The following RALGPS1 variants were observed in gnomAD, a reference collection of about 807,000 sequenced individuals.
The protein encoded by RALGPS1 is Ral GEF with PH domain and SH3 binding motif 1.
Under a neutral mutation model 78.8 loss-of-function variants are expected in RALGPS1, and 19 were observed. The ratio of observed to expected loss-of-function variants is 0.24; its 90% confidence interval spans 0.17 to 0.35. The LOEUF is 0.35. Among genes scored for constraint, RALGPS1 ranks in the 10% least tolerant of loss-of-function variants. The pLI is 1.00. For synonymous variants in RALGPS1, 228 were observed against 256.3 expected (o/e 0.89, Z 1.06); for missense variants, 454 against 688.3 (o/e 0.66, Z 3.81).
At chr9:127,155,929 A>G (rs2058687072) in intron 8 of RALGPS1, among the ~76,000 whole-genome samples, 2 of 151,922 alleles carry the variant, frequency 1.3e-5, no homozygotes, top group Non-Finnish European at 2.9e-5. Context: ...AAACTGTAGT[A>G]TATATTCATA....
chr9:127,160,450 G>A (rs536942272), intron 8 of RALGPS1, among the ~76,000 whole-genome samples: 7 of 152,324 alleles, frequency 4.6e-5, no homozygotes, highest in Admixed American at 2.6e-4. Flanking sequence ...GCCTCACCAC[G>A]GCAGTCTGGT....
intron 7 of RALGPS1, among the ~76,000 whole-genome samples, chr9:127,065,047 C>G (rs2049566451): frequency 6.6e-6 from 1 of 152,010 alleles, no homozygotes; most frequent in Admixed American, 6.6e-5. Flanking sequence ...TCAAGCAATC[C>G]TCCCGCCACA....
chr9:126,949,850 G>T (rs1167496432), intron 1 of RALGPS1, among the ~76,000 whole-genome samples: 2 of 151,982 alleles, frequency 1.3e-5, no homozygotes, highest in Admixed American at 1.3e-4. Flanking sequence ...GGCTTTTGTT[G>T]CCATTGCTTT....
intron 7 of RALGPS1, among the ~76,000 whole-genome samples, chr9:127,067,225 CA>C (rs1409754366): frequency 6.6e-6 from 1 of 152,148 alleles, no homozygotes; most frequent in Non-Finnish European, 1.5e-5. Context: ...ACCAGTTAAG[CA>C]GCCATTGTCC....
Position 127,196,618 on chromosome 9 carries a change from T to C in RALGPS1, c.1182T>C (p.Asn394=). Residue 394 remains asparagine, a synonymous_variant, in exon 13 of 19, where the codon AAT becomes AAC. Coordinates refer to ENST00000259351, the MANE Select transcript of RALGPS1 (RefSeq NM_014636.3). ...TGACCTCCTCCTCTGCTGTCACCAA[T>C]GGACTCTCCCTAGGTAAGCGTCTCC... is the stretch of plus-strand genomic sequence containing the variant. ...LALTSSSAVT[N]GLSLGSSESS... is the part of the protein sequence containing the mutation. 1.2e-6 allele frequency: 2 copies of C among 1,605,062 alleles called. No homozygotes were observed. Among genetic ancestry groups the C allele is most frequent in the Non-Finnish European group, 1.7e-6 (2 of 1,175,230 alleles).
intron 4 of RALGPS1, chr9:126,989,785 G>A (rs145163723): frequency 1.4e-6 from 2 of 1,431,774 alleles, no homozygotes; most frequent in Admixed American, 2.6e-5. Context: ...ATTCCTGTGG[G>A]ACACTTACTC....
At chr9:127,139,963 G>A (rs781594660) in intron 8 of RALGPS1, among the ~76,000 whole-genome samples, 7 of 152,186 alleles carry the variant, frequency 4.6e-5, no homozygotes, top group African/African-American at 9.7e-5. Flanking sequence ...GCCGCCATCC[G>A]CTCATGGCAT....
At chr9:127,060,615 C>A (rs1359538753) in intron 7 of RALGPS1, among the ~76,000 whole-genome samples, 1 of 152,002 alleles carries the variant, frequency 6.6e-6, no homozygotes, top group African/African-American at 2.4e-5. Context: ...TATGACAGGG[C>A]CTTTTACTTA....
intron 14 of RALGPS1, among the ~76,000 whole-genome samples, chr9:127,204,701 G>A (rs865995351): frequency 6.6e-6 from 1 of 152,196 alleles, no homozygotes; most frequent in African/African-American, 2.4e-5. Flanking sequence ...GTTGGGTGAT[G>A]CAGTTTCTGC....
Position 127,056,800 on chromosome 9 carries a change from A to G in RALGPS1, c.483+3861A>G, listed in dbSNP as rs80134821. ...ACTATACATTTGTTGTTTGAATTGTATGTGTTGTCCTGAGTTGCATTGCAT... is the reference window on the plus strand; with the variant it reads ...ACTATACATTTGTTGTTTGAATTGTGTGTGTTGTCCTGAGTTGCATTGCAT... On this transcript the variant is annotated intron_variant, in intron 7 of 18. Coordinates refer to ENST00000259351, the MANE Select transcript of RALGPS1 (RefSeq NM_014636.3). Among the ~76,000 whole-genome samples the G allele has an allele frequency of 2.4e-4, 36 of 152,186 alleles. No individual in the cohort carries two copies. In the East Asian group the frequency reaches 5.4e-3, roughly 23 times the overall value.
intron 7 of RALGPS1, among the ~76,000 whole-genome samples, chr9:127,053,505 T>C (rs2048466527): frequency 6.6e-6 from 1 of 152,222 alleles, no homozygotes; most frequent in Non-Finnish European, 1.5e-5. Flanking sequence ...CTCTTTATGC[T>C]CCTTCGCTTG....
intron 7 of RALGPS1, among the ~76,000 whole-genome samples, chr9:127,057,262 G>A (rs1174506908): frequency 6.6e-6 from 1 of 152,170 alleles, no homozygotes; most frequent in African/African-American, 2.4e-5. Context: ...AATGCAGCTA[G>A]CACACAGGGC....
intron 8 of RALGPS1, among the ~76,000 whole-genome samples, chr9:127,112,704 A>G (rs373486757): frequency 5.3e-5 from 8 of 152,286 alleles, no homozygotes; most frequent in African/African-American, 1.7e-4. Flanking sequence ...ATGGAAGTGC[A>G]TCAGAAGCGG....
At chr9:127,079,001 A>G (rs1336963752) in intron 8 of RALGPS1, among the ~76,000 whole-genome samples, 4 of 152,332 alleles carry the variant, frequency 2.6e-5, no homozygotes, top group African/African-American at 9.6e-5. Context: ...ATTAAAGTTT[A>G]CACACTAGTA....
chr9:127,204,124 C>A (rs2061801659), intron 14 of RALGPS1, among the ~76,000 whole-genome samples: 1 of 152,166 alleles, frequency 6.6e-6, no homozygotes, highest in Non-Finnish European at 1.5e-5. Context: ...CAGTGAAGAT[C>A]TAACACATAG....
chr9:126,984,474 C>T (rs931971066), intron 4 of RALGPS1, among the ~76,000 whole-genome samples: 1 of 152,190 alleles, frequency 6.6e-6, no homozygotes, highest in African/African-American at 2.4e-5. Context: ...TAATTCTTTC[C>T]TTTTAATTAT....
chr9:127,179,342 G>A (rs936928190), intron 11 of RALGPS1, among the ~76,000 whole-genome samples: 1 of 152,190 alleles, frequency 6.6e-6, no homozygotes, highest in Non-Finnish European at 1.5e-5. Context: ...GGTGGCCTGG[G>A]GTCCTGGGAA....
intron 8 of RALGPS1, among the ~76,000 whole-genome samples, chr9:127,105,307 G>A (rs893005186): frequency 1.3e-5 from 2 of 152,120 alleles, no homozygotes; most frequent in Non-Finnish European, 2.9e-5. Context: ...TTCTTAAGTG[G>A]GAGACAAAAG....
intron 5 of RALGPS1, among the ~76,000 whole-genome samples, chr9:127,045,174 A>G (rs559172287): frequency 2.0e-5 from 3 of 152,330 alleles, no homozygotes; most frequent in African/African-American, 7.2e-5. Flanking sequence ...CACCAAGAGG[A>G]AACCTTAATA....
Sources: allele counts gnomAD v4.1 joint callset (sites outside exome capture counted in the v4.1 genomes callset), GRCh38; gene constraint gnomAD v4.1.1; transcripts MANE v1.5; gene names NCBI Gene and HGNC (gene_info 2026-07-23, HGNC 2026-07-21).